TP73: variants seen among roughly 807,000 people sequenced by gnomAD.
TP73 encodes the protein p53-like transcription factor.
A neutral mutation model predicts 62.5 loss-of-function variants in TP73; 25 were observed. That is an observed-to-expected ratio of 0.40 (90% CI 0.29 to 0.56). TP73 has a LOEUF of 0.56. Ranked by LOEUF, TP73 falls within the 20% of genes least tolerant of loss-of-function variation. TP73 has a pLI of 0.46. For synonymous variants in TP73, 423 were observed against 377.5 expected, an observed-to-expected ratio of 1.12 and a Z score of -1.40; for missense variants, 754 against 913.3, an observed-to-expected ratio of 0.83 and a Z score of 2.25.
rs966886366 is a variant in TP73, at chr1:3,732,740, C to G, written c.1579-7C>G. 6.4e-7 allele frequency: 1 copy of G among 1,557,604 alleles called. No homozygotes were observed. Among genetic ancestry groups the G allele is most frequent in the African/African-American group, 1.4e-5 (1 of 73,810 alleles). On this transcript the variant is annotated splice_region_variant and splice_polypyrimidine_tract_variant and intron_variant, in intron 13 of 13. Transcript: ENST00000378295. ...CCCCCTGCCCCTAATGCGCCGGCCT[C>G]TCGCAGGACCTGGGGGCCCTGAAGA...
intron 3 of TP73, among the ~76,000 whole-genome samples, chr1:3,695,719 C>T (rs762928275): frequency 6.6e-6 from 1 of 152,236 alleles, no homozygotes; most frequent in East Asian, 1.9e-4. Context: ...CTACTCTGTA[C>T]GTGGGGCTAC....
intron 3 of TP73, among the ~76,000 whole-genome samples, chr1:3,700,946 G>A (rs1035901724): frequency 1.1e-4 from 16 of 152,212 alleles, no homozygotes; most frequent in African/African-American, 2.9e-4. Context: ...GCTCCTGGCC[G>A]GTGAGGACAA....
At position 3,701,318 on chromosome 1, in the gene TP73, C is replaced by T. The variant is rs1399076344; in HGVS notation, c.187-6231C>T. Among the ~76,000 whole-genome samples the T allele has an allele frequency of 6.6e-6, 1 of 152,152 alleles. No individual in the cohort carries two copies. Among genetic ancestry groups the T allele is most frequent in the Non-Finnish European group, 1.5e-5 (1 of 68,030 alleles). ...TCCCTGTTCCTCGGCGGAGCCTGCC[C>T]AGCCGTCGTTCCTCCTGGCTGGGTT... On this transcript the variant is annotated intron_variant, in intron 3 of 13. Coordinates refer to ENST00000378295, the MANE Select transcript of TP73 (RefSeq NM_005427.4). This position sits in a 1 kb window ranked among gnomAD's most constrained non-coding sequence, Gnocchi z 4.7.
Position 3,683,193 on chromosome 1 carries a change from G to T in TP73, c.186+13G>T, listed in dbSNP as rs199819715. 3.8e-5 allele frequency: 60 copies of T among 1,587,852 alleles called. No homozygotes were observed. Among genetic ancestry groups the T allele is most frequent in the Non-Finnish European group, 5.1e-5 (59 of 1,163,940 alleles). ...TACATCTGTCATGGTGAGTGGGGGG[G>T]CTGCCCTCTGCAAGAGGACTGGAGT... On this transcript the variant is annotated intron_variant, in intron 3 of 13. Coordinates refer to ENST00000378295, the MANE Select transcript of TP73 (RefSeq NM_005427.4).
At chr1:3,731,916 G>A (rs1642166224) in intron 13 of TP73, among the ~76,000 whole-genome samples, 1 of 152,196 alleles carries the variant, frequency 6.6e-6, no homozygotes, top group Non-Finnish European at 1.5e-5. Context: ...TTTACAGAGA[G>A]GTCAGCGCCA....
chr1:3,664,015 C>G (rs1455848539), intron 1 of TP73, among the ~76,000 whole-genome samples: 1 of 152,178 alleles, frequency 6.6e-6, no homozygotes, highest in Non-Finnish European at 1.5e-5. Flanking sequence ...TCTGGAGAGG[C>G]CACTGCTGTA....
rs1391516491 is a variant in TP73 at position 3,730,902 on chromosome 1, A to C, written c.1346-25A>C. 6 of 1,576,918 alleles carry C rather than the reference A, an allele frequency of 3.8e-6. No homozygotes were observed. The Admixed American group carries it at 1.1e-4, about 28-fold the overall frequency. ...CTGGATGCCCAGCCTGGCTGCCCTG[A>C]TGGCCCCACCTGCCTCTCACCCAGG... is the stretch of plus-strand genomic sequence containing the variant. On this transcript the variant is annotated intron_variant, in intron 11 of 13. Transcript: ENST00000378295.
At chr1:3,727,336 C>T in intron 7 of TP73, 112 bp downstream of exon 7, 1 of 1,139,280 alleles carries the variant, frequency 8.8e-7, no homozygotes, top group Non-Finnish European at 1.3e-6. Flanking sequence ...GGGGAAGAGA[C>T]TTTGGGGTGT....
chr1:3,730,185 C>T (rs534474715), intron 11 of TP73, 37 bp downstream of exon 11: 23 of 1,479,582 alleles, frequency 1.6e-5, no homozygotes, highest in Non-Finnish European at 1.8e-5. Flanking sequence ...ACGGGCAGGG[C>T]GGGGAGGCCC....
In TP73 at chr1:3,727,147, C is replaced by T. The variant is rs367549083; in HGVS notation, c.765C>T (p.Asn255=). The T allele has an allele frequency of 2.0e-3, 3,282 of 1,612,146 alleles. 83 individuals carry two copies. The South Asian group carries it at 0.034, about 17-fold the overall frequency. ...CGGAATTCACCACCATCCTGTACAA[C>T]TTCATGTGTAACAGCAGCTGTGTAG... ...VGTEFTTILY[N]FMCNSSCVGG... Residue 255 remains asparagine, a synonymous_variant, in exon 7 of 14, where the codon AAC becomes AAT. Transcript: ENST00000378295.
intron 3 of TP73, among the ~76,000 whole-genome samples, chr1:3,695,970 T>A (rs1048261697): frequency 3.3e-5 from 5 of 152,212 alleles, no homozygotes; most frequent in African/African-American, 1.2e-4. Flanking sequence ...CTGAGATTGG[T>A]AGAACTGCAG....
At chr1:3,720,619 C>T (rs1640994871) in intron 4 of TP73, among the ~76,000 whole-genome samples, 2 of 152,356 alleles carry the variant, frequency 1.3e-5, no homozygotes, top group South Asian at 4.1e-4. Context: ...ACCCAGGCCC[C>T]ACCCACCATG....
intron 3 of TP73, among the ~76,000 whole-genome samples, chr1:3,691,178 C>T (rs746060291): frequency 2.0e-5 from 3 of 152,054 alleles, no homozygotes; most frequent in East Asian, 1.9e-4. Context: ...GGCAGGGACC[C>T]GCAGCCAGGG....
intron 4 of TP73, 195 bp downstream of exon 4, chr1:3,707,986 T>G: frequency 1.2e-6 from 1 of 839,952 alleles, no homozygotes; most frequent in Non-Finnish European, 1.8e-6. Context: ...CCCACCCCTC[T>G]AGACGTGAGT....
chr1:3,705,407 C>T (rs1472344731), intron 3 of TP73, among the ~76,000 whole-genome samples: 2 of 152,220 alleles, frequency 1.3e-5, no homozygotes, highest in Admixed American at 6.5e-5. Flanking sequence ...GCAGTGGTGC[C>T]GGAGAGGTGG....
intron 1 of TP73, among the ~76,000 whole-genome samples, chr1:3,655,745 T>C (rs1282738293): frequency 6.6e-6 from 1 of 152,164 alleles, no homozygotes; most frequent in African/African-American, 2.4e-5. Flanking sequence ...CAAAACACAC[T>C]TGTAGCTGGC....
intron 10 of TP73, 51 bp downstream of exon 10, chr1:3,729,499 AC>A (rs1015174124): frequency 3.1e-6 from 5 of 1,609,710 alleles, no homozygotes; most frequent in Admixed American, 3.3e-5. Flanking sequence ...ACATGGCTTA[AC>A]CCCCCAGGAG....
rs1447494113 is a variant in TP73, at chr1:3,653,117, A to G, written c.-34+476A>G. On this transcript the variant is annotated intron_variant, in intron 1 of 13. Transcript: ENST00000378295. Reference sequence around the variant, plus strand: ...TCCCGAGGCCTCAGCTTCCCTGAGGAGCCAGGGCCAGGCCCCCCTCTGGAC... The same window carrying G: ...TCCCGAGGCCTCAGCTTCCCTGAGGGGCCAGGGCCAGGCCCCCCTCTGGAC... Among the ~76,000 whole-genome samples, 7 of 152,276 alleles carry G rather than the reference A, an allele frequency of 4.6e-5. No homozygotes were observed. The East Asian group carries it at 1.4e-3, about 30-fold the overall frequency.
chr1:3,698,640 C>T (rs911330376), intron 3 of TP73, among the ~76,000 whole-genome samples: 6 of 152,080 alleles, frequency 3.9e-5, no homozygotes, highest in East Asian at 1.9e-4. Flanking sequence ...GAGTGGACTC[C>T]GGGGCGGTTA....
Sources: allele counts gnomAD v4.1 joint callset (sites outside exome capture counted in the v4.1 genomes callset), GRCh38; gene constraint gnomAD v4.1.1; non-coding constraint Gnocchi (gnomAD v3.1); transcripts MANE v1.5; gene names NCBI Gene and HGNC (gene_info 2026-07-23, HGNC 2026-07-21).